The following PICALM variants were observed in gnomAD, a reference collection of about 807,000 sequenced individuals.
The protein encoded by PICALM is phosphatidylinositol binding clathrin assembly protein.
A neutral mutation model predicts 80.5 loss-of-function variants in PICALM; 40 were observed. That is an observed-to-expected ratio of 0.50 (90% CI 0.39 to 0.65). PICALM has a LOEUF of 0.65. Ranked by LOEUF, PICALM falls within the 30% of genes least tolerant of loss-of-function variation. PICALM has a pLI of 0.00. For missense variants in PICALM, 676 were observed against 778.9 expected, an observed-to-expected ratio of 0.87 and a Z score of 1.57; for synonymous variants, 288 against 260.3, an observed-to-expected ratio of 1.11 and a Z score of -1.02.
intron 18 of PICALM, 103 bp downstream of exon 18, chr11:85,976,520 A>G: frequency 2.8e-6 from 2 of 716,202 alleles, no homozygotes; most frequent in Non-Finnish European, 5.1e-6. Context: ...TAGGGCTAGG[A>G]GTATGAGGAG....
At chr11:86,043,448 T>C (rs1165699466) in intron 1 of PICALM, among the ~76,000 whole-genome samples, 2 of 152,094 alleles carry the variant, frequency 1.3e-5, no homozygotes, top group Non-Finnish European at 2.9e-5. Flanking sequence ...TCTGGGGGAG[T>C]TAGAGACATT....
rs570604714 is a variant in PICALM at position 85,962,428 on chromosome 11, T to C, written c.1945-3368A>G. Among the ~76,000 whole-genome samples, 300 of 152,316 alleles carry C rather than the reference T, an allele frequency of 2.0e-3. 1 individual carries two copies. Among genetic ancestry groups the C allele is most frequent in the African/African-American group, 6.9e-3 (286 of 41,568 alleles). ...TGCATCTAAAATCAGAAGTTTCCTA[T>C]GATAGCCCCACACCGAAATACCTTC... On this transcript the variant is annotated intron_variant, in intron 19 of 19. Coordinates refer to ENST00000393346, the MANE Select transcript of PICALM (RefSeq NM_007166.4).
chr11:86,006,335 T>C (rs1419261622), intron 8 of PICALM, among the ~76,000 whole-genome samples: 1 of 152,136 alleles, frequency 6.6e-6, no homozygotes. Context: ...CAATAATAAC[T>C]GTTAACAAGG....
At chr11:86,048,768 G>A (rs2096123129) in intron 1 of PICALM, among the ~76,000 whole-genome samples, 1 of 149,786 alleles carries the variant, frequency 6.7e-6, no homozygotes, top group African/African-American at 2.5e-5. Flanking sequence ...GGAGGCAGAG[G>A]TTGCGGTGAG....
intron 19 of PICALM, among the ~76,000 whole-genome samples, chr11:85,966,109 G>A (rs1341724815): frequency 2.0e-5 from 3 of 152,002 alleles, no homozygotes; most frequent in African/African-American, 7.3e-5. Context: ...GTGAGCCACC[G>A]CACCCGGCCC....
chr11:86,008,528 G>A (rs2095324213), intron 7 of PICALM, among the ~76,000 whole-genome samples: 1 of 152,042 alleles, frequency 6.6e-6, no homozygotes, highest in African/African-American at 2.4e-5. Flanking sequence ...GCTGAAGCAG[G>A]AGAATCGTTT....
chr11:85,980,664 G>A (rs927793838), intron 17 of PICALM, among the ~76,000 whole-genome samples: 4 of 152,050 alleles, frequency 2.6e-5, no homozygotes, highest in African/African-American at 9.7e-5. Flanking sequence ...ACAAGATTTT[G>A]TATTTTAGAA....
chr11:85,968,139 G>C (rs147367936), intron 19 of PICALM, among the ~76,000 whole-genome samples: 1 of 152,112 alleles, frequency 6.6e-6, no homozygotes, highest in Non-Finnish European at 1.5e-5. Flanking sequence ...TTCAAGACCA[G>C]TCTGATGTAT....
intron 16 of PICALM, 72 bp from the exon 17 acceptor site, chr11:85,981,300 G>GCT: frequency 1.1e-6 from 1 of 871,562 alleles, no homozygotes; most frequent in Non-Finnish European, 1.9e-6. Context: ...TACTTATATA[G>GCT]AACAGAGTAA....
At chr11:86,057,142 T>C (rs1246848900) in intron 1 of PICALM, among the ~76,000 whole-genome samples, 1 of 152,058 alleles carries the variant, frequency 6.6e-6, no homozygotes, top group African/African-American at 2.4e-5. Context: ...TTCTCTACTT[T>C]AAAACTGAAT....
chr11:86,062,293 G>A (rs1434259017), intron 1 of PICALM, among the ~76,000 whole-genome samples: 1 of 152,152 alleles, frequency 6.6e-6, no homozygotes, highest in Non-Finnish European at 1.5e-5. Context: ...GAGGTGGGTG[G>A]ATCACCTGAG....
intron 1 of PICALM, among the ~76,000 whole-genome samples, chr11:86,066,459 G>A (rs757669228): frequency 2.0e-5 from 3 of 152,118 alleles, no homozygotes; most frequent in Non-Finnish European, 2.9e-5. Context: ...AACGACAAAT[G>A]CAAGATTATC....
chr11:85,962,463 G>A (rs937838163), intron 19 of PICALM, among the ~76,000 whole-genome samples: 5 of 152,228 alleles, frequency 3.3e-5, no homozygotes, highest in South Asian at 4.1e-4. Flanking sequence ...CTTAAATCAC[G>A]TTTTCACCAG....
chr11:86,015,202 T>C (rs1460078571), intron 4 of PICALM, among the ~76,000 whole-genome samples: 1 of 152,142 alleles, frequency 6.6e-6, no homozygotes, highest in African/African-American at 2.4e-5. Context: ...ACATAAAGCA[T>C]GAGCCATAAA....
intron 13 of PICALM, among the ~76,000 whole-genome samples, chr11:85,985,243 G>A (rs2094542235): frequency 6.6e-6 from 1 of 152,138 alleles, no homozygotes; most frequent in African/African-American, 2.4e-5. Context: ...TAGAGAGACT[G>A]ATCTCAAAGA....
intron 14 of PICALM, among the ~76,000 whole-genome samples, chr11:85,982,991 GTC>G (rs1192478559): frequency 1.3e-5 from 2 of 152,072 alleles, no homozygotes; most frequent in African/African-American, 2.4e-5. Flanking sequence ...ACAATGATTG[GTC>G]TCTCTTTCCA....
At chr11:85,960,864 G>C (rs2093665233) in intron 19 of PICALM, 1 of 515,864 alleles carries the variant, frequency 1.9e-6, no homozygotes. Flanking sequence ...GAAAGAAGAA[G>C]TGGTTTTGGT....
At chr11:86,020,705 C>T (rs2095549851) in intron 4 of PICALM, among the ~76,000 whole-genome samples, 1 of 152,112 alleles carries the variant, frequency 6.6e-6, no homozygotes, top group African/African-American at 2.4e-5. Context: ...TTTGGACTCA[C>T]CTCTCACACC....
chr11:86,029,849 T>C (rs189066084), intron 2 of PICALM, among the ~76,000 whole-genome samples: 267 of 152,314 alleles, frequency 1.8e-3, no homozygotes, highest in African/African-American at 6.1e-3. Context: ...TTTAAGCTAA[T>C]ACAGCCAAAC....
Sources: allele counts gnomAD v4.1 joint callset (sites outside exome capture counted in the v4.1 genomes callset), GRCh38; gene constraint gnomAD v4.1.1; transcripts MANE v1.5; gene names NCBI Gene and HGNC (gene_info 2026-07-23, HGNC 2026-07-21).